The following TMEM232 variants were observed in gnomAD, a reference collection of about 807,000 sequenced individuals.
TMEM232 encodes the protein transmembrane protein 232.
TMEM232 carries 80 observed loss-of-function variants against 78.8 expected under a neutral mutation model. That is an observed-to-expected ratio of 1.01 (90% confidence interval 0.85 to 1.22). The LOEUF (loss-of-function observed/expected upper bound fraction) is 1.22. Ranked by LOEUF, TMEM232 falls within the 50% of genes most tolerant of loss-of-function variation. The pLI is 0.00. For synonymous variants in TMEM232, 297 were observed against 254.3 expected, an observed-to-expected ratio of 1.17 and a Z score of -1.60; for missense variants, 881 against 742.2, an observed-to-expected ratio of 1.19 and a Z score of -2.17.
At chr5:110,691,294 A>C (rs537151291) in intron 1 of TMEM232, among the ~76,000 whole-genome samples, 17 of 152,312 alleles carry the variant, frequency 1.1e-4, no homozygotes, top group African/African-American at 4.1e-4. Flanking sequence ...GCTGATACTG[A>C]AATTATAAAT....
At chr5:110,695,984 A>G (rs1296452761) in intron 1 of TMEM232, among the ~76,000 whole-genome samples, 4 of 152,188 alleles carry the variant, frequency 2.6e-5, no homozygotes, top group South Asian at 4.1e-4. Context: ...ACCAAAGCCT[A>G]GCAGAGACAA....
chr5:110,606,100 T>C (rs1781510286), intron 9 of TMEM232, 64 bp downstream of exon 9: 1 of 1,461,036 alleles, frequency 6.8e-7, no homozygotes, highest in African/African-American at 1.4e-5. Flanking sequence ...ACAATTTAAA[T>C]AGTGGCAAAA....
At position 110,537,291 on chromosome 5, in the gene TMEM232, A is replaced by AT. The variant is rs1377106617; in HGVS notation, c.1456-8457dup. Among the ~76,000 whole-genome samples, 272 of 136,356 alleles carry AT rather than the reference A, an allele frequency of 2.0e-3. 1 individual carries two copies. The highest frequency in any genetic ancestry group is 4.7e-3 in the African/African-American group (151 of 31,910). The allele number at this position is 136,356 out of a possible 152,430, so 89.5% of individuals were successfully genotyped here. ...AAAGAGAAAACTTATATATATATATATTTTTTTTTTTCTGCAATGCTGTTT... is the reference window on the plus strand; with the variant it reads ...AAAGAGAAAACTTATATATATATATATTTTTTTTTTTTCTGCAATGCTGTTT... On this transcript the variant is annotated intron_variant, in intron 11 of 13. Transcript: ENST00000455884.
At position 110,605,370 on chromosome 5, in the gene TMEM232, A is replaced by G; in HGVS notation, c.1027-12T>C. ...TTGCAACTTTCTTCCTGAAATGAGA[A>G]AATAGATATTTGATCATCAAAGTAT... On this transcript the variant is annotated splice_polypyrimidine_tract_variant and intron_variant, in intron 9 of 13. Coordinates refer to ENST00000455884, the MANE Select transcript of TMEM232 (RefSeq NM_001039763.4). 6.5e-7 allele frequency: 1 copy of G among 1,537,586 alleles called. No individual in the cohort carries two copies. The highest frequency in any genetic ancestry group is 1.7e-4 in the Middle Eastern group (1 of 5,906).
intron 12 of TMEM232, among the ~76,000 whole-genome samples, chr5:110,470,763 A>G (rs1434968474): frequency 1.3e-5 from 2 of 152,194 alleles, no homozygotes; most frequent in African/African-American, 2.4e-5. Context: ...GCCACTTTCT[A>G]AAGTTTAGAA....
chr5:110,558,436 C>T (rs1021868544), intron 11 of TMEM232, among the ~76,000 whole-genome samples: 2 of 152,118 alleles, frequency 1.3e-5, no homozygotes, highest in Non-Finnish European at 2.9e-5. Flanking sequence ...TTACTGGAAG[C>T]CCATCTGCAG....
chr5:110,489,306 G>T (rs569960417), intron 12 of TMEM232, among the ~76,000 whole-genome samples: 1 of 151,814 alleles, frequency 6.6e-6, no homozygotes, highest in Non-Finnish European at 1.5e-5. Context: ...CATATTAAAA[G>T]AATTATACAG....
intron 13 of TMEM232, among the ~76,000 whole-genome samples, chr5:110,423,166 C>T (rs917776808): frequency 3.3e-5 from 5 of 152,300 alleles, no homozygotes; most frequent in Admixed American, 2.0e-4. Context: ...CATCCTCCCA[C>T]TTCTAATTCT....
upstream of TMEM232, among the ~76,000 whole-genome samples, chr5:110,727,170 G>C (rs990369834): frequency 2.0e-5 from 3 of 151,984 alleles, no homozygotes; most frequent in African/African-American, 7.3e-5. Context: ...TCTTTTTAAA[G>C]GTAGTATGCA....
At chr5:110,402,139 G>GA (rs778893585) in intron 2 of TMEM232, among the ~76,000 whole-genome samples, 1 of 152,048 alleles carries the variant, frequency 6.6e-6, no homozygotes, top group Non-Finnish European at 1.5e-5. Flanking sequence ...TATCCCAGAT[G>GA]ACTCATCCGT....
At chr5:110,589,936 C>T (rs1169434000) in intron 10 of TMEM232, among the ~76,000 whole-genome samples, 1 of 152,044 alleles carries the variant, frequency 6.6e-6, no homozygotes, top group Non-Finnish European at 1.5e-5. Flanking sequence ...TTCTTTGAGA[C>T]TATGCTGAAA....
At chr5:110,507,562 G>A (rs78731438) in intron 12 of TMEM232, among the ~76,000 whole-genome samples, 3,977 of 152,230 alleles carry the variant, frequency 0.026, 125 homozygotes, top group African/African-American at 0.077. Context: ...AGGTTCTCAG[G>A]TTCTCAGAGT....
At chr5:110,606,089 T>C in intron 9 of TMEM232, 75 bp downstream of exon 9, 2 of 1,422,336 alleles carry the variant, frequency 1.4e-6, no homozygotes, top group South Asian at 1.6e-5. Context: ...TAATACGATA[T>C]ACAATTTAAA....
At chr5:110,531,317 C>A (rs745589871) in intron 11 of TMEM232, among the ~76,000 whole-genome samples, 2 of 152,216 alleles carry the variant, frequency 1.3e-5, no homozygotes, top group Non-Finnish European at 2.9e-5. Context: ...AGTCTCTTCA[C>A]ACGGACACAC....
chr5:110,660,363 A>G (rs1166050406), intron 2 of TMEM232, among the ~76,000 whole-genome samples: 1 of 152,140 alleles, frequency 6.6e-6, no homozygotes, highest in Non-Finnish European at 1.5e-5. Flanking sequence ...TAGAATAAGA[A>G]TAAAAAATAT....
chr5:110,529,016 A>T (rs1315804662), intron 11 of TMEM232, among the ~76,000 whole-genome samples, 181 bp from the exon 12 acceptor site: 1 of 152,190 alleles, frequency 6.6e-6, no homozygotes, highest in African/African-American at 2.4e-5. Context: ...CAAAAAGCAA[A>T]ACAGCAAATT....
chr5:110,571,356 G>T (rs1705758546), intron 10 of TMEM232, among the ~76,000 whole-genome samples: 1 of 152,014 alleles, frequency 6.6e-6, no homozygotes, highest in African/African-American at 2.4e-5. Flanking sequence ...TGGGGCTGAA[G>T]TGTTTCTTGG....
intron 2 of TMEM232, among the ~76,000 whole-genome samples, chr5:110,646,864 AATG>A (rs1357735410): frequency 3.3e-5 from 5 of 151,932 alleles, no homozygotes; most frequent in African/African-American, 1.2e-4. Flanking sequence ...CTGATTAAAA[AATG>A]TACAGAGGAC....
intron 1 of TMEM232, among the ~76,000 whole-genome samples, chr5:110,672,074 A>C (rs538258486): frequency 8.5e-5 from 13 of 152,286 alleles, no homozygotes; most frequent in African/African-American, 3.1e-4. Flanking sequence ...ATTGAAGGCT[A>C]AAACTGGTTT....
Sources: gnomAD v4.1 joint callset for allele counts (sites outside exome capture counted in the v4.1 genomes callset) on GRCh38, gnomAD v4.1.1 for gene constraint, MANE v1.5 for transcripts, NCBI Gene and HGNC (gene_info 2026-07-23, HGNC 2026-07-21) for gene names.